The following DLG2 variants were observed in gnomAD, a reference collection of about 807,000 sequenced individuals.
DLG2 encodes discs large MAGUK scaffold protein 2.
Under a neutral mutation model 132.5 loss-of-function variants are expected in DLG2, and 45 were observed. The observed-to-expected ratio is 0.34, with a 90% CI of 0.27 to 0.44. The LOEUF (loss-of-function observed/expected upper bound fraction) is 0.44, where lower values mean the gene tolerates loss of function less well. Among genes scored for constraint, DLG2 ranks in the 20% least tolerant of loss-of-function variants. The pLI is 1.00. For missense variants in DLG2, 1,045 were observed against 1,196.9 expected (o/e 0.87, Z 1.87); for synonymous variants, 424 against 419.6 (o/e 1.01, Z -0.13).
chr11:83,743,664 G>A (rs2092706767), intron 18 of DLG2, among the ~76,000 whole-genome samples: 1 of 151,954 alleles, frequency 6.6e-6, no homozygotes, highest in African/African-American at 2.4e-5. Flanking sequence ...AAACTCCTGA[G>A]CTCAAGAAAT....
At chr11:83,937,970 C>T (rs1216162988) in intron 14 of DLG2, among the ~76,000 whole-genome samples, 1 of 151,980 alleles carries the variant, frequency 6.6e-6, no homozygotes, top group South Asian at 2.1e-4. Flanking sequence ...CTCTAGTGTG[C>T]TATCTGAAGA....
chr11:84,571,255 TCTC>T (rs1213169246), intron 6 of DLG2, among the ~76,000 whole-genome samples: 2 of 152,016 alleles, frequency 1.3e-5, no homozygotes, highest in Non-Finnish European at 2.9e-5. Flanking sequence ...TTTTTTCCCA[TCTC>T]CTCTTTTTCC....
chr11:84,098,783 AG>A, intron 10 of DLG2, 139 bp downstream of exon 10: 1 of 970,110 alleles, frequency 1.0e-6, no homozygotes, highest in East Asian at 2.7e-5. Context: ...AGATCTGCAA[AG>A]TCATTTCAGG....
At chr11:83,836,600 C>G (rs1477935031) in intron 16 of DLG2, among the ~76,000 whole-genome samples, 3 of 152,190 alleles carry the variant, frequency 2.0e-5, no homozygotes, top group Non-Finnish European at 4.4e-5. Flanking sequence ...CCTATCTTAA[C>G]TGATTAGTAA....
At chr11:83,461,385 T>C (rs2136026096) in intron 27 of DLG2, among the ~76,000 whole-genome samples, 1 of 152,136 alleles carries the variant, frequency 6.6e-6, no homozygotes, top group East Asian at 1.9e-4. Flanking sequence ...TCTATGAAAG[T>C]ATATAGGAAT....
chr11:84,980,093 C>T (rs1012558335), intron 6 of DLG2, among the ~76,000 whole-genome samples: 1 of 152,102 alleles, frequency 6.6e-6, no homozygotes, highest in African/African-American at 2.4e-5. Flanking sequence ...AATTGGAAAA[C>T]TCTAAATATT....
intron 3 of DLG2, among the ~76,000 whole-genome samples, chr11:85,357,707 TA>T (rs2083825848): frequency 3.5e-4 from 1 of 2,872 alleles, no homozygotes; most frequent in East Asian, 5.0e-3. Flanking sequence ...TTCTGAATTA[TA>T]TATATATATA....
intron 20 of DLG2, among the ~76,000 whole-genome samples, chr11:83,537,643 C>T (rs530831229): frequency 7.9e-5 from 12 of 151,600 alleles, no homozygotes; most frequent in East Asian, 5.8e-4. Flanking sequence ...GGTGAAATCT[C>T]GTCTCTCCTA....
chr11:85,146,237 T>TCTCA (rs1348152378), intron 5 of DLG2, among the ~76,000 whole-genome samples: 1 of 150,814 alleles, frequency 6.6e-6, no homozygotes, highest in African/African-American at 2.5e-5. Context: ...CCTCTCTCTC[T>TCTCA]CTCTCTCTCT....
At chr11:83,980,730 T>C (rs2092701294) in intron 11 of DLG2, 88 bp from the exon 12 acceptor site, 1 of 1,311,874 alleles carries the variant, frequency 7.6e-7, no homozygotes, top group African/African-American at 1.5e-5. Flanking sequence ...TTAACAGTTT[T>C]TAAAAATGAA....
chr11:84,906,369 C>A (rs1373345855), intron 6 of DLG2, among the ~76,000 whole-genome samples: 1 of 145,088 alleles, frequency 6.9e-6, no homozygotes, highest in African/African-American at 2.5e-5. Flanking sequence ...GTCCATTACC[C>A]ACAGCAAGGC....
chr11:85,054,005 G>A (rs893049449), intron 6 of DLG2, among the ~76,000 whole-genome samples: 1 of 151,880 alleles, frequency 6.6e-6, no homozygotes, highest in Non-Finnish European at 1.5e-5. Context: ...GGTGGCTCAG[G>A]CCTGTAATCC....
At chr11:84,096,665 A>G (rs1026961779) in intron 10 of DLG2, among the ~76,000 whole-genome samples, 10 of 152,292 alleles carry the variant, frequency 6.6e-5, no homozygotes, top group South Asian at 4.1e-4. Flanking sequence ...TTATCCTCTA[A>G]CAAATCTATT....
intron 9 of DLG2, among the ~76,000 whole-genome samples, chr11:84,150,642 A>G (rs2095264608): frequency 6.6e-6 from 1 of 152,120 alleles, no homozygotes; most frequent in Non-Finnish European, 1.5e-5. Flanking sequence ...TAGGACTTCA[A>G]GTACCATGTT....
chr11:85,583,142 A>G lies in DLG2; in HGVS notation c.40+15515T>C, dbSNP rs1426890000. Among the ~76,000 whole-genome samples the G allele has an allele frequency of 5.8e-3, 552 of 95,992 alleles. 2 individuals are homozygous for G. Among genetic ancestry groups the G allele is most frequent in the African/African-American group, 0.011 (279 of 24,502 alleles). The allele number at this position is 95,992 out of a possible 152,430, so 63.0% of individuals were successfully genotyped here. ...TGTGTGTGTGTGTGTATATATATAT[A>G]TATATATATATATATATATATATAT... On this transcript the variant is annotated intron_variant, in intron 3 of 27. Coordinates refer to ENST00000376104, the MANE Select transcript of DLG2 (RefSeq NM_001142699.3).
At chr11:84,373,209 T>C (rs1209426925) in intron 7 of DLG2, among the ~76,000 whole-genome samples, 2 of 127,574 alleles carry the variant, frequency 1.6e-5, no homozygotes, top group African/African-American at 5.7e-5. Context: ...CAATGTTACT[T>C]AATTTCTCTA....
At chr11:85,375,607 T>C (rs1200881236) in intron 3 of DLG2, among the ~76,000 whole-genome samples, 1 of 152,348 alleles carries the variant, frequency 6.6e-6, no homozygotes, top group African/African-American at 2.4e-5. Context: ...TGTAGTTTTA[T>C]TTTTTCAGTA....
chr11:84,013,077 T>C (rs772485583), intron 11 of DLG2, among the ~76,000 whole-genome samples: 13 of 152,184 alleles, frequency 8.5e-5, no homozygotes, highest in Non-Finnish European at 1.3e-4. Context: ...CCCCAGATCA[T>C]CTGTCTTACT....
chr11:85,539,086 C>T (rs2075797413), intron 3 of DLG2, among the ~76,000 whole-genome samples: 1 of 151,898 alleles, frequency 6.6e-6, no homozygotes, highest in Non-Finnish European at 1.5e-5. Flanking sequence ...AGACCTGCTG[C>T]CCTATACCTG....
Sources: gnomAD v4.1 joint callset for allele counts (sites outside exome capture counted in the v4.1 genomes callset) on GRCh38, gnomAD v4.1.1 for gene constraint, MANE v1.5 for transcripts, NCBI Gene and HGNC (gene_info 2026-07-23, HGNC 2026-07-21) for gene names.